Variants in NEK6 observed in about 807,000 individuals in gnomAD.
NEK6 encodes the protein serine/threonine-protein kinase Nek6.
NEK6 carries 27 observed loss-of-function variants against 43.5 expected under a neutral mutation model. The observed-to-expected ratio is 0.62, with a 90% confidence interval of 0.46 to 0.86. The LOEUF (loss-of-function observed/expected upper bound fraction) is 0.86. Among genes scored for constraint, NEK6 ranks in the 40% least tolerant of loss-of-function variants. The pLI is 0.00. For missense variants in NEK6, 318 were observed against 414.4 expected, an observed-to-expected ratio of 0.77 and a Z score of 2.02; for synonymous variants, 167 against 164.1, an observed-to-expected ratio of 1.02 and a Z score of -0.14.
chr9:124,326,202 T>TCTCCCCC lies in NEK6; in HGVS notation c.406-127_406-126insTCCCCCC. 8.1e-6 allele frequency: 1 copy of TCTCCCCC among 124,052 alleles called. No individual in the cohort carries two copies. The highest frequency in any genetic ancestry group is 2.0e-5 in the Non-Finnish European group (1 of 50,618). The allele number at this position is 124,052 out of a possible 1,614,324, so 7.7% of individuals were successfully genotyped here. On this transcript the variant is annotated intron_variant, in intron 5 of 9. Coordinates refer to ENST00000320246, the MANE Select transcript of NEK6 (RefSeq NM_014397.6). The surrounding 1 kb of genome is among the most constrained non-coding windows in gnomAD (Gnocchi z 4.5). Reference sequence around the variant, plus strand: ...GCTTATTGTTTGCTCAGTGGCTCAATCCCCCCCCCCCGCCCCTGCCAGGCA... The same window carrying TCTCCCCC: ...GCTTATTGTTTGCTCAGTGGCTCAATCTCCCCCCCCCCCCCCCCGCCCCTGCCAGGCA...
intron 6 of NEK6, among the ~76,000 whole-genome samples, chr9:124,327,002 G>A (rs532788130): frequency 2.6e-4 from 39 of 152,254 alleles, no homozygotes; most frequent in South Asian, 1.2e-3. Flanking sequence ...CATTCATTAC[G>A]CAGATTTTCC....
chr9:124,341,867 C>T (rs1043335765), intron 8 of NEK6, among the ~76,000 whole-genome samples: 1 of 152,178 alleles, frequency 6.6e-6, no homozygotes, highest in African/African-American at 2.4e-5. Flanking sequence ...GTGTAGGGCC[C>T]TGTGTGCCTG....
chr9:124,295,304 C>T (rs1301504559), intron 1 of NEK6, among the ~76,000 whole-genome samples: 3 of 152,210 alleles, frequency 2.0e-5, no homozygotes, highest in Non-Finnish European at 4.4e-5. Flanking sequence ...AAACCAGACT[C>T]CATCTGTGGC....
chr9:124,339,546 A>G, intron 7 of NEK6, 25 bp from the exon 8 acceptor site: 1 of 1,575,680 alleles, frequency 6.3e-7, no homozygotes, highest in South Asian at 1.1e-5. Context: ...GAGCATAAGC[A>G]GCCCCGCCCC....
In NEK6 at chr9:124,334,522, G is replaced by A. The variant is rs192005058; in HGVS notation, c.623-5049G>A. ...GTGCCCCCAATCTCTCTCTGCCCAC[G>A]TGCCCAGGCTTTCAATATAAAGCCA... On this transcript the variant is annotated intron_variant, in intron 7 of 9. Coordinates refer to ENST00000320246, the MANE Select transcript of NEK6 (RefSeq NM_014397.6). Among the ~76,000 whole-genome samples, 96 of 152,306 alleles carry A rather than the reference G, an allele frequency of 6.3e-4. 1 individual carries two copies. The East Asian group carries it at 0.017, about 27-fold the overall frequency.
At chr9:124,332,059 G>C (rs554983904) in intron 7 of NEK6, among the ~76,000 whole-genome samples, 1 of 152,358 alleles carries the variant, frequency 6.6e-6, no homozygotes, top group Admixed American at 6.5e-5. Flanking sequence ...CAGACTGTTA[G>C]GAAGAGATGA....
chr9:124,308,893 C>T (rs1315641391), intron 2 of NEK6, among the ~76,000 whole-genome samples: 4 of 152,248 alleles, frequency 2.6e-5, no homozygotes, highest in Non-Finnish European at 5.9e-5. Context: ...CCCAGGGTCA[C>T]TTGGCTGCAG....
chr9:124,305,618 CTG>C (rs1432777551), intron 2 of NEK6, among the ~76,000 whole-genome samples: 1 of 151,412 alleles, frequency 6.6e-6, no homozygotes, highest in East Asian at 1.9e-4. Flanking sequence ...AATTCAGCAA[CTG>C]TTTTTTTGGG....
At chr9:124,264,802 G>A (rs1220331796) in intron 1 of NEK6, among the ~76,000 whole-genome samples, 3 of 125,902 alleles carry the variant, frequency 2.4e-5, no homozygotes, top group African/African-American at 3.1e-5. Context: ...GCAACAGAGC[G>A]AGACTCTGTA....
intron 1 of NEK6, among the ~76,000 whole-genome samples, chr9:124,279,903 C>G (rs912718256): frequency 2.0e-5 from 3 of 152,266 alleles, no homozygotes; most frequent in African/African-American, 7.2e-5. Flanking sequence ...CTTGTCCACT[C>G]CTGTGTCCCC....
intron 7 of NEK6, among the ~76,000 whole-genome samples, chr9:124,337,804 G>A (rs962731801): frequency 3.3e-5 from 5 of 152,232 alleles, no homozygotes; most frequent in African/African-American, 4.8e-5. Context: ...TTTGGCCATG[G>A]TAGAAACCAG....
upstream of NEK6, chr9:124,257,670 CTCA>C: frequency 6.5e-7 from 1 of 1,527,926 alleles, no homozygotes; most frequent in Non-Finnish European, 8.8e-7. Flanking sequence ...ACTGCAGACC[CTCA>C]TCATAAGTCT....
chr9:124,291,424 C>T (rs928893085), intron 1 of NEK6, among the ~76,000 whole-genome samples: 8 of 152,102 alleles, frequency 5.3e-5, no homozygotes, highest in African/African-American at 1.7e-4. Flanking sequence ...GTTAGGAGTT[C>T]GAGACCAGCC....
At chr9:124,306,987 A>G (rs372466737) in intron 2 of NEK6, among the ~76,000 whole-genome samples, 3 of 152,210 alleles carry the variant, frequency 2.0e-5, no homozygotes, top group Non-Finnish European at 4.4e-5. Flanking sequence ...ATATCAGGGA[A>G]AAAAGACCCA....
chr9:124,337,919 G>GT (rs903558487), intron 7 of NEK6, among the ~76,000 whole-genome samples: 1 of 152,098 alleles, frequency 6.6e-6, no homozygotes, highest in Admixed American at 6.6e-5. Context: ...TTTAACTTTG[G>GT]TTTTTTTGTC....
intron 8 of NEK6, among the ~76,000 whole-genome samples, chr9:124,346,106 C>T (rs1371748404): frequency 1.3e-5 from 2 of 152,188 alleles, no homozygotes; most frequent in Middle Eastern, 3.2e-3. Flanking sequence ...AGAGGTGATG[C>T]TGTCCCTAAA....
intron 2 of NEK6, among the ~76,000 whole-genome samples, chr9:124,309,046 G>A (rs1330346105): frequency 1.3e-5 from 2 of 152,044 alleles, no homozygotes; most frequent in Non-Finnish European, 2.9e-5. Flanking sequence ...CCAGGGCCAG[G>A]ACTCTGCTGG....
intron 4 of NEK6, among the ~76,000 whole-genome samples, chr9:124,316,281 G>A (rs574569563): frequency 6.6e-6 from 1 of 152,270 alleles, no homozygotes; most frequent in Non-Finnish European, 1.5e-5. Context: ...GGTGGGTCCT[G>A]TTGGAACGCA....
intron 1 of NEK6, chr9:124,291,747 C>T (rs1564625944): frequency 2.8e-5 from 25 of 900,112 alleles, no homozygotes; most frequent in Non-Finnish European, 3.3e-5. Flanking sequence ...CTTGTCCCTC[C>T]CTGAGCCTAC....
Sources: allele counts gnomAD v4.1 joint callset (sites outside exome capture counted in the v4.1 genomes callset), GRCh38; gene constraint gnomAD v4.1.1; non-coding constraint Gnocchi (gnomAD v3.1); transcripts MANE v1.5; gene names NCBI Gene and HGNC (gene_info 2026-07-23, HGNC 2026-07-21).